LARP1: variants seen among roughly 807,000 people sequenced by gnomAD.
LARP1 encodes la-related protein 1.
In LARP1, 36 loss-of-function variants were observed where a neutral mutation model predicts 122.7. The observed-to-expected ratio is 0.29, with a 90% confidence interval of 0.22 to 0.39. LARP1 has a LOEUF of 0.39. LARP1 is among the 10% of genes least tolerant of loss of function. The probability of loss-of-function intolerance (pLI) is 1.00; values close to 1 mark genes in which losing one functional copy is unlikely to be tolerated. For synonymous variants in LARP1, 539 were observed against 528.7 expected (o/e 1.02, Z -0.27); for missense variants, 1,040 against 1,403.6 (o/e 0.74, Z 4.14).
chr5:154,795,462 C>A, intron 8 of LARP1, 143 bp downstream of exon 8: 2 of 726,784 alleles, frequency 2.8e-6, no homozygotes, highest in Non-Finnish European at 4.4e-6. Context: ...GTCTCCTCCT[C>A]TCCCTCCTTC....
chr5:154,812,305 T>A (rs1015001006), intron 18 of LARP1, among the ~76,000 whole-genome samples: 3 of 152,222 alleles, frequency 2.0e-5, no homozygotes, highest in African/African-American at 7.2e-5. Flanking sequence ...CTTAACATTT[T>A]GTATTAGTCT....
chr5:154,726,460 A>T (rs1386245498), intron 1 of LARP1, among the ~76,000 whole-genome samples: 2 of 152,218 alleles, frequency 1.3e-5, no homozygotes, highest in Non-Finnish European at 2.9e-5. Flanking sequence ...CAATAGGCCC[A>T]TAGGAGATCC....
chr5:154,729,388 A>G (rs1756420229), intron 1 of LARP1: 1 of 328,236 alleles, frequency 3.0e-6, no homozygotes, highest in Non-Finnish European at 5.9e-6. Flanking sequence ...TACCCCACAA[A>G]TGTTACCATG....
chr5:154,706,017 C>T (rs992590225), intron 1 of LARP1, among the ~76,000 whole-genome samples: 29 of 152,064 alleles, frequency 1.9e-4, no homozygotes, highest in Non-Finnish European at 3.8e-4. Context: ...TACATATGGC[C>T]GGGCGCGGTG....
Position 154,790,334 on chromosome 5 carries a change from C to T in LARP1, c.446C>T (p.Ala149Val). The change falls in exon 2 of 19, where the codon GCT becomes GTT. Residue 149 changes from alanine (A) to valine (V), a missense_variant. Coordinates refer to ENST00000518297, the MANE Select transcript of LARP1 (RefSeq NM_033551.3). Reference sequence around the variant, plus strand: ...CTTCTTGTTCCCACAGAACACTCTGCTCCAGCCAAGGTGGTGAGGGCAGCT... The same window carrying T: ...CTTCTTGTTCCCACAGAACACTCTGTTCCAGCCAAGGTGGTGAGGGCAGCT... The part of the protein sequence containing the change: ...VNGQSPPEHS[A>V]PAKVVRAAVP... The T allele has an allele frequency of 6.2e-7, 1 of 1,613,584 alleles. No homozygotes were observed. Among genetic ancestry groups the T allele is most frequent in the African/African-American group, 1.3e-5 (1 of 75,030 alleles).
At chr5:154,743,963 C>T (rs1753045187) in intron 1 of LARP1, among the ~76,000 whole-genome samples, 1 of 152,168 alleles carries the variant, frequency 6.6e-6, no homozygotes, top group Admixed American at 6.5e-5. Context: ...TCCGCTTTCT[C>T]CAAGTGCCTT....
intron 1 of LARP1, among the ~76,000 whole-genome samples, chr5:154,739,324 A>G (rs1333032878): frequency 1.3e-5 from 2 of 151,794 alleles, no homozygotes; most frequent in African/African-American, 4.8e-5. Flanking sequence ...CCGGCCCTAA[A>G]AGAAGATTCT....
At position 154,755,740 on chromosome 5, in the gene LARP1, G is replaced by A. The variant is rs1032320917; in HGVS notation, c.-18G>A. 3 of 986,932 alleles carry A rather than the reference G, an allele frequency of 3.0e-6. No homozygotes were observed. Among genetic ancestry groups the A allele is most frequent in the South Asian group, 4.6e-5 (1 of 21,680 alleles). The allele number at this position is 986,932 out of a possible 1,614,324, so 61.1% of individuals were successfully genotyped here. A position where few individuals can be genotyped will look rare whatever the true frequency, so the allele number is the denominator to read the frequency against. On this transcript the variant is annotated 5_prime_UTR_variant, in exon 1 of 19. Coordinates refer to ENST00000518297, the MANE Select transcript of LARP1 (RefSeq NM_033551.3). The stretch of plus-strand genomic sequence containing the variant: ...AGCCTCGGGCGCGCCCGGCTTCTCC[G>A]GGGGGGCGGGCGCGCAGATGGCCAC...
chr5:154,711,997 C>A (rs1755244807), upstream of LARP1, among the ~76,000 whole-genome samples: 1 of 152,152 alleles, frequency 6.6e-6, no homozygotes, highest in Admixed American at 6.5e-5. Context: ...TTTTGTGGAA[C>A]TATTACTTAT....
upstream of LARP1, among the ~76,000 whole-genome samples, chr5:154,712,587 A>G (rs1340715224): frequency 1.3e-5 from 2 of 152,160 alleles, no homozygotes; most frequent in African/African-American, 4.8e-5. Context: ...CTCTTCCTTT[A>G]GCCCCAGCTT....
At chr5:154,775,308 G>A (rs1335826577) in intron 1 of LARP1, among the ~76,000 whole-genome samples, 3 of 151,994 alleles carry the variant, frequency 2.0e-5, no homozygotes, top group African/African-American at 2.4e-5. Flanking sequence ...TCTAAAAAAC[G>A]TAAGTGAATA....
At chr5:154,689,451 A>AAAAAACT (rs1561526505) in intron 1 of LARP1, among the ~76,000 whole-genome samples, 1 of 151,766 alleles carries the variant, frequency 6.6e-6, no homozygotes, top group Non-Finnish European at 1.5e-5. Context: ...ACTCTGTCTC[A>AAAAAACT]AAAAAATAAA....
At chr5:154,756,333 A>G in intron 1 of LARP1, 140 bp downstream of exon 1, 1 of 930,668 alleles carries the variant, frequency 1.1e-6, no homozygotes, top group Non-Finnish European at 1.3e-6. Flanking sequence ...CTCCTGGTTG[A>G]TCCTGGTCGC....
At chr5:154,724,898 C>G (rs1416690083) in intron 1 of LARP1, among the ~76,000 whole-genome samples, 1 of 152,100 alleles carries the variant, frequency 6.6e-6, no homozygotes, top group Non-Finnish European at 1.5e-5. Context: ...AACTCCTGAG[C>G]TCAAGTGATC....
intron 1 of LARP1, among the ~76,000 whole-genome samples, chr5:154,727,028 A>T (rs1360191932): frequency 2.0e-5 from 3 of 152,174 alleles, no homozygotes; most frequent in African/African-American, 7.2e-5. Flanking sequence ...TCAAGGTGAG[A>T]TGTGGGTGGG....
chr5:154,756,417 A>G, intron 1 of LARP1: 1 of 994,708 alleles, frequency 1.0e-6, no homozygotes, highest in Non-Finnish European at 1.2e-6. Flanking sequence ...GGCTACGGCC[A>G]CCGCCTGGGC....
intron 7 of LARP1, among the ~76,000 whole-genome samples, chr5:154,794,628 T>G (rs972418751): frequency 6.6e-6 from 1 of 152,230 alleles, no homozygotes; most frequent in African/African-American, 2.4e-5. Flanking sequence ...ATTATCTTAG[T>G]CCTGCAGTTC....
In LARP1 at chr5:154,803,787, T is replaced by C; in HGVS notation, c.2439+42T>C. The C allele has an allele frequency of 6.4e-7, 1 of 1,566,412 alleles. No individual in the cohort carries two copies. The highest frequency in any genetic ancestry group is 2.2e-5 in the East Asian group (1 of 44,552). On this transcript the variant is annotated intron_variant, in intron 13 of 18. Coordinates refer to ENST00000518297, the MANE Select transcript of LARP1 (RefSeq NM_033551.3). This position sits in a 1 kb window ranked among gnomAD's most constrained non-coding sequence, Gnocchi z 4.4. ...GGGCTGCTCAGAGTCTTGGGTCTACTTCATTGCATTCCAGTGCTTTGCTTC... is the reference window on the plus strand; with the variant it reads ...GGGCTGCTCAGAGTCTTGGGTCTACCTCATTGCATTCCAGTGCTTTGCTTC...
chr5:154,811,604 C>T lies in LARP1; in HGVS notation c.3045C>T (p.Leu1015=), dbSNP rs557318389. The change falls in exon 18 of 19, where the codon CTC becomes CTT. Residue 1015 remains leucine (L), a synonymous_variant. Transcript: ENST00000518297. ...TTGACCCCAAACTGCAAGAATACCT[C>T]GGCAAATTCCGACGTCTTGAAGACT... The part of the protein sequence containing the change: ...LDIDPKLQEY[L]GKFRRLEDFR... 21 of 1,614,174 alleles carry T rather than the reference C, an allele frequency of 1.3e-5. No individual in the cohort carries two copies. Among genetic ancestry groups the T allele is most frequent in the Middle Eastern group, 1.6e-4 (1 of 6,062 alleles).
Sources: gnomAD v4.1 joint callset for allele counts (sites outside exome capture counted in the v4.1 genomes callset) on GRCh38, gnomAD v4.1.1 for gene constraint, Gnocchi (gnomAD v3.1) non-coding constraint, MANE v1.5 for transcripts, NCBI Gene and HGNC (gene_info 2026-07-23, HGNC 2026-07-21) for gene names.